Variants in HCN1 observed in about 807,000 individuals in gnomAD.
The protein encoded by HCN1 is hyperpolarization activated cyclic nucleotide gated potassium channel 1, also known as potassium/sodium hyperpolarization-activated cyclic nucleotide-gated channel 1.
In HCN1, 13 loss-of-function variants were observed where a neutral mutation model predicts 78.9. That is an observed-to-expected ratio of 0.16 (90% CI 0.11 to 0.26). The LOEUF is 0.26. Ranked by LOEUF, HCN1 falls within the 10% of genes least tolerant of loss-of-function variation. The pLI, the probability that HCN1 is intolerant of heterozygous loss-of-function variation, is 1.00. For synonymous variants in HCN1, 552 were observed against 455.5 expected (o/e 1.21, Z -2.70); for missense variants, 810 against 1,154.3 (o/e 0.70, Z 4.32).
rs372463567 is a variant in HCN1, at chr5:45,598,294, T to C, written c.849+46891A>G. ...ACAATCATCTGATCTTCAACAAACC[T>C]GAGAAAAACAAGCAATGGGGAAAGG... On this transcript the variant is annotated intron_variant, in intron 2 of 7. Transcript: ENST00000303230. Among the ~76,000 whole-genome samples the C allele has an allele frequency of 7.2e-5, 11 of 152,004 alleles. No individual in the cohort carries two copies. The East Asian group carries it at 2.1e-3, about 29-fold the overall frequency.
chr5:45,572,869 A>G (rs984030677), intron 2 of HCN1, among the ~76,000 whole-genome samples: 2 of 152,162 alleles, frequency 1.3e-5, no homozygotes, highest in African/African-American at 4.8e-5. Flanking sequence ...AATATATTAA[A>G]TGTCATTGTG....
chr5:45,425,829 G>C (rs781475925), intron 3 of HCN1, among the ~76,000 whole-genome samples: 1 of 152,140 alleles, frequency 6.6e-6, no homozygotes, highest in African/African-American at 2.4e-5. Flanking sequence ...GAGAAGGGAG[G>C]CTGGCAGATT....
chr5:45,353,168 G>T lies in HCN1; in HGVS notation c.1309C>A (p.His437Asn). The T allele has an allele frequency of 6.2e-7, 1 of 1,609,648 alleles. No individual in the cohort carries two copies. Among genetic ancestry groups the T allele is most frequent in the Non-Finnish European group, 8.5e-7 (1 of 1,176,632 alleles). ...TCAAAGATTTTGCCTTGGTATCTGT[G>T]TTCATAGTAATCATGTATCTTCTGA... is the stretch of plus-strand genomic sequence containing the variant. ...MRQKIHDYYE[H>N]RYQGKIFDEE... is the part of the protein sequence containing the mutation. Residue 437 changes from histidine (H) to asparagine (N), a missense_variant, in exon 5 of 8, where the codon CAC (histidine) becomes AAC (asparagine). By Grantham distance (68) the His-to-Asn change is moderately conservative. This residue lies in a region of HCN1 where 100 missense variants were observed against 126.8 expected (regional missense o/e 0.79). Coordinates refer to ENST00000303230, the MANE Select transcript of HCN1 (RefSeq NM_021072.4).
At chr5:45,633,081 G>A (rs973063227) in intron 2 of HCN1, among the ~76,000 whole-genome samples, 86 of 151,852 alleles carry the variant, frequency 5.7e-4, no homozygotes, top group Admixed American at 5.6e-3. Context: ...GAGAGAGAGA[G>A]GAACTAGGTT....
intron 2 of HCN1, among the ~76,000 whole-genome samples, chr5:45,578,582 C>T (rs1743993969): frequency 6.6e-6 from 1 of 151,972 alleles, no homozygotes; most frequent in Non-Finnish European, 1.5e-5. Context: ...TGCATGACTC[C>T]TGAATCATCA....
chr5:45,285,066 G>C (rs921466596), intron 6 of HCN1, among the ~76,000 whole-genome samples: 2 of 152,038 alleles, frequency 1.3e-5, no homozygotes, highest in African/African-American at 4.8e-5. Flanking sequence ...GAGCTGGAGA[G>C]ATTCCAGATC....
intron 2 of HCN1, among the ~76,000 whole-genome samples, chr5:45,526,336 C>T (rs149344682): frequency 1.1e-4 from 16 of 152,122 alleles, no homozygotes; most frequent in African/African-American, 3.4e-4. Flanking sequence ...CTCCTTTATC[C>T]TTCCTAAACT....
chr5:45,287,775 G>T (rs1745297308), intron 6 of HCN1, among the ~76,000 whole-genome samples: 1 of 151,976 alleles, frequency 6.6e-6, no homozygotes, highest in African/African-American at 2.4e-5. Flanking sequence ...ATAGTCAGGA[G>T]AAATACAAAT....
chr5:45,302,844 C>T (rs1745655440), intron 6 of HCN1, among the ~76,000 whole-genome samples: 1 of 151,816 alleles, frequency 6.6e-6, no homozygotes, highest in South Asian at 2.1e-4. Flanking sequence ...GGGGTTTCTG[C>T]TTTTGCTTTT....
chr5:45,689,482 T>C (rs1465904883), intron 1 of HCN1, among the ~76,000 whole-genome samples: 1 of 151,902 alleles, frequency 6.6e-6, no homozygotes, highest in Non-Finnish European at 1.5e-5. Flanking sequence ...GATAGAAAAA[T>C]AAGTGTGTGC....
intron 2 of HCN1, among the ~76,000 whole-genome samples, chr5:45,595,921 G>T (rs779208525): frequency 2.0e-5 from 3 of 150,472 alleles, no homozygotes; most frequent in East Asian, 2.0e-4. Flanking sequence ...ACGGAGTCTC[G>T]CTCTGTCACC....
chr5:45,371,486 C>T (rs1038571891), intron 4 of HCN1, among the ~76,000 whole-genome samples: 2 of 151,740 alleles, frequency 1.3e-5, no homozygotes, highest in Non-Finnish European at 2.9e-5. Flanking sequence ...TGGCTGGGCA[C>T]GGTGACTCAT....
intron 6 of HCN1, among the ~76,000 whole-genome samples, chr5:45,277,771 G>C (rs964274603): frequency 5.3e-5 from 8 of 152,070 alleles, no homozygotes; most frequent in Admixed American, 5.2e-4. Context: ...CCCATACAAC[G>C]ATCTGGCTGG....
At chr5:45,576,875 T>C (rs931874353) in intron 2 of HCN1, among the ~76,000 whole-genome samples, 3 of 152,024 alleles carry the variant, frequency 2.0e-5, no homozygotes, top group Admixed American at 6.6e-5. Flanking sequence ...AGCCCACCTT[T>C]CAAATTTGTG....
intron 7 of HCN1, among the ~76,000 whole-genome samples, chr5:45,263,237 G>T (rs1579763782): frequency 1.3e-5 from 2 of 152,204 alleles, no homozygotes; most frequent in South Asian, 2.1e-4. Flanking sequence ...CTCTACAAAA[G>T]ACCTTAGGTA....
At chr5:45,508,454 T>G (rs1222452394) in intron 2 of HCN1, among the ~76,000 whole-genome samples, 1 of 152,140 alleles carries the variant, frequency 6.6e-6, no homozygotes. Context: ...TAATTAAAGC[T>G]CATGGTGAGC....
intron 2 of HCN1, among the ~76,000 whole-genome samples, chr5:45,602,798 AG>A (rs1210044525): frequency 2.0e-5 from 3 of 152,142 alleles, no homozygotes; most frequent in African/African-American, 7.2e-5. Context: ...ACATGTACAC[AG>A]TTTTGATATA....
chr5:45,298,489 A>G lies in HCN1; in HGVS notation c.1618+5110T>C, dbSNP rs116317219. On this transcript the variant is annotated intron_variant, in intron 6 of 7. Transcript: ENST00000303230. Reference sequence around the variant, plus strand: ...GGAAATAAGAAAAAATTTACCCACAATAATGAGGACAAAGGGACAGAGGGG... The same window carrying G: ...GGAAATAAGAAAAAATTTACCCACAGTAATGAGGACAAAGGGACAGAGGGG... 4.9e-3 allele frequency among the ~76,000 whole-genome samples: 747 copies of G among 152,128 alleles called. 3 individuals carry two copies. The highest frequency in any genetic ancestry group is 8.5e-3 in the Non-Finnish European group (575 of 67,954).
intron 1 of HCN1, among the ~76,000 whole-genome samples, chr5:45,694,457 A>T (rs1739967707): frequency 6.6e-6 from 1 of 152,168 alleles, no homozygotes; most frequent in Admixed American, 6.5e-5. Context: ...TGTCATTCAG[A>T]ACTGTGGACA....
Sources: gnomAD v4.1 joint callset for allele counts (sites outside exome capture counted in the v4.1 genomes callset) on GRCh38, gnomAD v4.1.1 for gene constraint, gnomAD v4.1.1 regional missense constraint, MANE v1.5 for transcripts, NCBI Gene and HGNC (gene_info 2026-07-23, HGNC 2026-07-21) for gene names.